Variants in GIGYF2 observed in about 807,000 individuals in gnomAD.
The protein encoded by GIGYF2 is GRB10 interacting GYF protein 2.
GIGYF2 carries 25 observed loss-of-function variants against 208.1 expected under a neutral mutation model. The observed-to-expected ratio is 0.12, with a 90% confidence interval of 0.09 to 0.17. The LOEUF (loss-of-function observed/expected upper bound fraction) is 0.17. Ranked by LOEUF, GIGYF2 falls within the 10% of genes least tolerant of loss-of-function variation. GIGYF2 has a pLI of 1.00. For synonymous variants in GIGYF2, 534 were observed against 543.8 expected (o/e 0.98, Z 0.25); for missense variants, 1,302 against 1,579.4 (o/e 0.82, Z 2.98).
chr2:232,819,291 G>T (rs556807018), intron 20 of GIGYF2, among the ~76,000 whole-genome samples: 1 of 152,294 alleles, frequency 6.6e-6, no homozygotes, highest in African/African-American at 2.4e-5. Flanking sequence ...TTCTATAAAT[G>T]ATCTCAACAA....
Position 232,768,732 on chromosome 2 carries a change from A to G in GIGYF2, c.532+7296A>G, listed in dbSNP as rs761238464. On this transcript the variant is annotated intron_variant, in intron 8 of 28. Coordinates refer to ENST00000373563, the MANE Select transcript of GIGYF2 (RefSeq NM_001103146.3). ...GAAGATAAGATTAGGTTTGCCATCC[A>G]TGTGAGCTACTACTGCTGTGTCAGT... is the stretch of plus-strand genomic sequence containing the variant. 3.1e-6 allele frequency: 5 copies of G among 1,602,148 alleles called. No individual in the cohort carries two copies. Among genetic ancestry groups the G allele is most frequent in the African/African-American group, 2.7e-5 (2 of 74,754 alleles).
At chr2:232,808,938 T>G (rs1700641693) in intron 15 of GIGYF2, among the ~76,000 whole-genome samples, 1 of 152,126 alleles carries the variant, frequency 6.6e-6, no homozygotes, top group Non-Finnish European at 1.5e-5. Context: ...TATACATATA[T>G]ACATACATAT....
chr2:232,788,914 A>G (rs527262389), intron 9 of GIGYF2, among the ~76,000 whole-genome samples: 3 of 152,300 alleles, frequency 2.0e-5, no homozygotes, highest in African/African-American at 7.2e-5. Context: ...TGGGTCTGAA[A>G]AAACAGTGTA....
intron 2 of GIGYF2, among the ~76,000 whole-genome samples, chr2:232,726,513 G>A (rs1049783419): frequency 3.3e-5 from 5 of 152,174 alleles, no homozygotes; most frequent in Non-Finnish European, 7.3e-5. Context: ...GGCTGAGGTG[G>A]GAGGATTGCT....
At chr2:232,855,005 T>G (rs1000168706) in intron 28 of GIGYF2, among the ~76,000 whole-genome samples, 1 of 152,080 alleles carries the variant, frequency 6.6e-6, no homozygotes, top group African/African-American at 2.4e-5. Flanking sequence ...CCTCCAATTA[T>G]AGAAGTTTTG....
intron 2 of GIGYF2, among the ~76,000 whole-genome samples, chr2:232,706,357 A>G (rs1696109056): frequency 6.6e-6 from 1 of 152,238 alleles, no homozygotes; most frequent in Non-Finnish European, 1.5e-5. Context: ...TAAAATTGTC[A>G]TGGGCTGAGC....
intron 9 of GIGYF2, among the ~76,000 whole-genome samples, chr2:232,789,113 A>G (rs1203232873): frequency 6.6e-6 from 1 of 152,198 alleles, no homozygotes; most frequent in Non-Finnish European, 1.5e-5. Flanking sequence ...ACTTTAGTTT[A>G]GATGTAGGGT....
At chr2:232,744,725 T>G (rs2106308377) in intron 3 of GIGYF2, among the ~76,000 whole-genome samples, 1 of 151,986 alleles carries the variant, frequency 6.6e-6, no homozygotes. Context: ...CAAGATGGGG[T>G]TTCATCGTGT....
chr2:232,855,211 C>T (rs768459824), intron 28 of GIGYF2, among the ~76,000 whole-genome samples: 6 of 151,622 alleles, frequency 4.0e-5, no homozygotes, highest in Admixed American at 2.6e-4. Flanking sequence ...CTCAGCTTCC[C>T]GAGTAGCTGG....
Position 232,756,197 on chromosome 2 carries a change from C to CTTTT in GIGYF2, c.268-9_268-6dup, listed in dbSNP as rs759525243. 1,260 of 709,346 alleles carry CTTTT rather than the reference C, an allele frequency of 1.8e-3. 2 individuals are homozygous for CTTTT. The highest frequency in any genetic ancestry group is 5.6e-3 in the South Asian group (283 of 50,932). The allele number at this position is 709,346 out of a possible 1,614,324, so 43.9% of individuals were successfully genotyped here. ...TTTTCTTTCTTTTTTTCCTTTTTCT[C>CTTTT]TTTTTTTTTTTTTTTTTTTTGGCAG... is the stretch of plus-strand genomic sequence containing the variant. On this transcript the variant is annotated intron_variant, in intron 5 of 28. Transcript: ENST00000373563.
chr2:232,752,067 G>A (rs1258325951), intron 5 of GIGYF2, among the ~76,000 whole-genome samples: 1 of 152,124 alleles, frequency 6.6e-6, no homozygotes, highest in African/African-American at 2.4e-5. Context: ...TTTCACTGTG[G>A]CCACAGAAGA....
At chr2:232,754,216 C>T (rs1413677965) in intron 5 of GIGYF2, among the ~76,000 whole-genome samples, 2 of 146,608 alleles carry the variant, frequency 1.4e-5, no homozygotes, top group Non-Finnish European at 1.5e-5. Context: ...TTTTTTTAAT[C>T]AGCAGTACAG....
At chr2:232,730,754 C>T (rs570242663) in intron 2 of GIGYF2, among the ~76,000 whole-genome samples, 4 of 147,836 alleles carry the variant, frequency 2.7e-5, no homozygotes, top group South Asian at 2.2e-4. Flanking sequence ...AAAAATTAGC[C>T]GGGCGTAGTG....
chr2:232,749,449 ATG>A (rs1406739869), intron 5 of GIGYF2, among the ~76,000 whole-genome samples: 1 of 151,866 alleles, frequency 6.6e-6, no homozygotes, highest in Non-Finnish European at 1.5e-5. Flanking sequence ...TAAGGGAAAA[ATG>A]TAGATCTTCA....
At position 232,806,665 on chromosome 2, in the gene GIGYF2, C is replaced by A; in HGVS notation, c.1806+8C>A. The A allele has an allele frequency of 1.3e-6, 2 of 1,591,050 alleles. No homozygotes were observed. The highest frequency in any genetic ancestry group is 1.7e-6 in the Non-Finnish European group (2 of 1,159,134). On this transcript the variant is annotated splice_region_variant and intron_variant, in intron 15 of 28. Coordinates refer to ENST00000373563, the MANE Select transcript of GIGYF2 (RefSeq NM_001103146.3). The surrounding 1 kb of genome is among the most constrained non-coding windows in gnomAD (Gnocchi z 4.0). ...GCTCCCCCTCCTCATATGGTAAGTACCTTTCACCTCACCTGGAATACATAT... is the reference window on the plus strand; with the variant it reads ...GCTCCCCCTCCTCATATGGTAAGTAACTTTCACCTCACCTGGAATACATAT...
At chr2:232,783,979 C>T (rs1277282637) in intron 8 of GIGYF2, among the ~76,000 whole-genome samples, 7 of 152,302 alleles carry the variant, frequency 4.6e-5, no homozygotes, top group South Asian at 2.1e-4. Flanking sequence ...TGAGCCACCA[C>T]GCCCAGCCTC....
chr2:232,857,156 C>T lies in GIGYF2; in HGVS notation c.*296C>T. ...GCATGTGTTCACTGTGCTGTGATTTCATCTACTGTCTCCCAGAAAGTGTGT... is the reference window on the plus strand; with the variant it reads ...GCATGTGTTCACTGTGCTGTGATTTTATCTACTGTCTCCCAGAAAGTGTGT... On this transcript the variant is annotated 3_prime_UTR_variant, in exon 29 of 29. Coordinates refer to ENST00000373563, the MANE Select transcript of GIGYF2 (RefSeq NM_001103146.3). 2 of 482,446 alleles carry T rather than the reference C, an allele frequency of 4.1e-6. No homozygotes were observed. The highest frequency in any genetic ancestry group is 4.6e-5 in the South Asian group (2 of 43,886). 29.9% of individuals were successfully genotyped at this position (482,446 alleles called of 1,614,324 possible).
intron 8 of GIGYF2, chr2:232,776,702 G>A: frequency 2.0e-6 from 1 of 511,456 alleles, no homozygotes; most frequent in Non-Finnish European, 3.5e-6. Flanking sequence ...TTTGTTAGGA[G>A]GTCTTTCTTT....
chr2:232,827,471 G>A (rs755536287), intron 21 of GIGYF2, among the ~76,000 whole-genome samples: 2 of 152,066 alleles, frequency 1.3e-5, no homozygotes. Flanking sequence ...GTGGCTAATC[G>A]GGTTGTTTTA....
Sources: gnomAD v4.1 joint callset for allele counts (sites outside exome capture counted in the v4.1 genomes callset) on GRCh38, gnomAD v4.1.1 for gene constraint, Gnocchi (gnomAD v3.1) non-coding constraint, MANE v1.5 for transcripts, NCBI Gene and HGNC (gene_info 2026-07-23, HGNC 2026-07-21) for gene names.